ANGPT1: variants seen among roughly 807,000 people sequenced by gnomAD.
ANGPT1 encodes the protein angiopoietin 1.
A neutral mutation model predicts 62.2 loss-of-function variants in ANGPT1; 17 were observed. The observed-to-expected ratio is 0.27, with a 90% CI of 0.19 to 0.41. The LOEUF (loss-of-function observed/expected upper bound fraction) is 0.41. ANGPT1 is among the 10% of genes least tolerant of loss of function. ANGPT1 has a pLI of 1.00. For missense variants in ANGPT1, 478 were observed against 594.9 expected, an observed-to-expected ratio of 0.80 and a Z score of 2.04; for synonymous variants, 199 against 198.9, an observed-to-expected ratio of 1.00 and a Z score of 0.00.
At chr8:107,412,928 T>A (rs1204662297) in intron 1 of ANGPT1, among the ~76,000 whole-genome samples, 1 of 152,070 alleles carries the variant, frequency 6.6e-6, no homozygotes, top group African/African-American at 2.4e-5. Context: ...AATATTAAGT[T>A]CCTATGATGT....
In ANGPT1 at chr8:107,497,713, C is replaced by CATTT. The variant is rs908991973; in HGVS notation, c.-159_-156dup. 44 of 794,444 alleles carry CATTT rather than the reference C, an allele frequency of 5.5e-5. No individual in the cohort carries two copies. The highest frequency in any genetic ancestry group is 8.2e-5 in the Non-Finnish European group (43 of 524,334). The allele number at this position is 794,444 out of a possible 1,614,324, so 49.2% of individuals were successfully genotyped here. On this transcript the variant is annotated 5_prime_UTR_variant, in exon 1 of 9. The change creates a new upstream start codon in the 5' untranslated region. Coordinates refer to ENST00000517746, the MANE Select transcript of ANGPT1 (RefSeq NM_001146.5). ...TGAAGAAGAATCATAGAAAACTAGC[C>CATTT]ATTTGTTAGCTTTGTTCTAAAATTT...
At chr8:107,393,579 G>A (rs184509029) in intron 1 of ANGPT1, among the ~76,000 whole-genome samples, 234 of 152,272 alleles carry the variant, frequency 1.5e-3, no homozygotes, top group African/African-American at 5.5e-3. Context: ...GGAGGTGGAG[G>A]CCAGTGGATC....
chr8:107,410,971 A>G (rs1189974662), intron 1 of ANGPT1, among the ~76,000 whole-genome samples: 1 of 152,096 alleles, frequency 6.6e-6, no homozygotes, highest in Non-Finnish European at 1.5e-5. Context: ...GGTCTCTACA[A>G]CCATTCTTAT....
At chr8:107,483,514 T>C (rs1366335690) in intron 1 of ANGPT1, among the ~76,000 whole-genome samples, 1 of 152,118 alleles carries the variant, frequency 6.6e-6, no homozygotes, top group African/African-American at 2.4e-5. Context: ...TTTCTTTTTT[T>C]CTAAGCATAG....
chr8:107,298,926 T>C (rs753367239), intron 5 of ANGPT1, among the ~76,000 whole-genome samples: 3 of 151,848 alleles, frequency 2.0e-5, no homozygotes, highest in South Asian at 2.1e-4. Context: ...CTGTTTACAA[T>C]GTACAGTCTA....
intron 1 of ANGPT1, among the ~76,000 whole-genome samples, chr8:107,486,938 G>T (rs1812829923): frequency 6.6e-6 from 1 of 152,174 alleles, no homozygotes; most frequent in Non-Finnish European, 1.5e-5. Flanking sequence ...TGGCTGAAGT[G>T]CATATTTGAT....
chr8:107,286,920 T>C (rs1298882898), intron 6 of ANGPT1, among the ~76,000 whole-genome samples: 6 of 152,154 alleles, frequency 3.9e-5, no homozygotes, highest in Non-Finnish European at 5.9e-5. Flanking sequence ...AAAGCTTACC[T>C]TCTCCAAAGC....
intron 2 of ANGPT1, among the ~76,000 whole-genome samples, chr8:107,344,992 T>C (rs1478000174): frequency 1.3e-5 from 2 of 152,132 alleles, no homozygotes; most frequent in African/African-American, 4.8e-5. Context: ...AGGGTATACA[T>C]TTACATATAA....
chr8:107,434,855 T>C (rs1811292937), intron 1 of ANGPT1, among the ~76,000 whole-genome samples: 1 of 152,202 alleles, frequency 6.6e-6, no homozygotes, highest in Non-Finnish European at 1.5e-5. Context: ...GTTTAAACTC[T>C]TAGCTGTTGA....
At chr8:107,366,017 A>G (rs1816266053) in intron 1 of ANGPT1, among the ~76,000 whole-genome samples, 1 of 152,164 alleles carries the variant, frequency 6.6e-6, no homozygotes, top group African/African-American at 2.4e-5. Flanking sequence ...ATTTTATTTC[A>G]TTTGTACAAA....
intron 1 of ANGPT1, among the ~76,000 whole-genome samples, chr8:107,373,974 A>T (rs985234245): frequency 6.6e-6 from 1 of 152,252 alleles, no homozygotes; most frequent in African/African-American, 2.4e-5. Context: ...AGTGAAAGTC[A>T]GCTGTTTGGT....
chr8:107,322,646 TAAAG>T, intron 3 of ANGPT1: 1 of 215,388 alleles, frequency 4.6e-6, no homozygotes, highest in Non-Finnish European at 9.4e-6. Context: ...AAATCAGAAA[TAAAG>T]AGAAAAATAT....
intron 1 of ANGPT1, among the ~76,000 whole-genome samples, chr8:107,350,815 G>A (rs891204852): frequency 2.0e-5 from 3 of 152,204 alleles, no homozygotes; most frequent in South Asian, 4.1e-4. Flanking sequence ...AAAGGCTGGA[G>A]CAGGAGGCAG....
At chr8:107,340,894 A>G (rs1484178258) in intron 2 of ANGPT1, among the ~76,000 whole-genome samples, 5 of 152,150 alleles carry the variant, frequency 3.3e-5, no homozygotes, top group Non-Finnish European at 5.9e-5. Context: ...AATTTGTAAC[A>G]TAAAATATGA....
intron 1 of ANGPT1, among the ~76,000 whole-genome samples, chr8:107,391,898 T>C (rs1033646268): frequency 6.6e-6 from 1 of 152,174 alleles, no homozygotes; most frequent in Non-Finnish European, 1.5e-5. Flanking sequence ...CCTATGATAT[T>C]ACCACAGCTA....
chr8:107,277,835 G>A (rs1363964780), intron 7 of ANGPT1, among the ~76,000 whole-genome samples: 1 of 152,118 alleles, frequency 6.6e-6, no homozygotes, highest in African/African-American at 2.4e-5. Flanking sequence ...TGATAGATGA[G>A]TGGTAGACTG....
intron 4 of ANGPT1, among the ~76,000 whole-genome samples, chr8:107,312,063 CAAAA>C (rs927603600): frequency 5.6e-5 from 4 of 71,050 alleles, no homozygotes; most frequent in African/African-American, 1.5e-4. Flanking sequence ...GACTCCGTTT[CAAAA>C]AAAAAAAAAA....
chr8:107,396,331 T>TA (rs1169635469), intron 1 of ANGPT1, among the ~76,000 whole-genome samples: 1 of 152,038 alleles, frequency 6.6e-6, no homozygotes, highest in Non-Finnish European at 1.5e-5. Context: ...GATATTGACT[T>TA]AAAACACCAA....
Position 107,388,558 on chromosome 8 carries a change from G to A in ANGPT1, c.298-41461C>T, listed in dbSNP as rs537820810. ...CATCCTTCTCAAAACATCTTAGCTC[G>A]TTGTCATTTGAAAAAATACCCCAAA... On this transcript the variant is annotated intron_variant, in intron 1 of 8. Transcript: ENST00000517746. Among the ~76,000 whole-genome samples, 326 of 152,132 alleles carry A rather than the reference G, an allele frequency of 2.1e-3. 2 individuals are homozygous for A. The highest frequency in any genetic ancestry group is 7.5e-3 in the African/African-American group (312 of 41,518).
Sources: gnomAD v4.1 joint callset for allele counts (sites outside exome capture counted in the v4.1 genomes callset) on GRCh38, gnomAD v4.1.1 for gene constraint, MANE v1.5 for transcripts, NCBI Gene and HGNC (gene_info 2026-07-23, HGNC 2026-07-21) for gene names.